DOCK1: variants seen among roughly 807,000 people sequenced by gnomAD.
DOCK1 encodes dedicator of cytokinesis 1, also known as dedicator of cytokinesis protein 1.
In DOCK1, 138 loss-of-function variants were observed where a neutral mutation model predicts 262.7. The ratio of observed to expected loss-of-function variants is 0.53; its 90% CI spans 0.46 to 0.61. DOCK1 has a LOEUF of 0.61. Ranked by LOEUF, DOCK1 falls within the 20% of genes least tolerant of loss-of-function variation. The pLI, the probability that DOCK1 is intolerant of heterozygous loss-of-function variation, is 0.00. For synonymous variants in DOCK1, 866 were observed against 867.4 expected (o/e 1.00, Z 0.03); for missense variants, 1,908 against 2,370.7 (o/e 0.80, Z 4.05).
intron 27 of DOCK1, among the ~76,000 whole-genome samples, chr10:127,219,054 A>G (rs781253753): frequency 6.6e-6 from 1 of 152,300 alleles, no homozygotes; most frequent in East Asian, 1.9e-4. Flanking sequence ...GGCACTGGCA[A>G]TTTTGGAGGG....
rs1426843224 is a variant in DOCK1, at chr10:126,953,151, GTGT to G, written c.47-17548_47-17546del. On this transcript the variant is annotated intron_variant, in intron 1 of 51. Coordinates refer to ENST00000623213, the MANE Select transcript of DOCK1 (RefSeq NM_001290223.2). The stretch of plus-strand genomic sequence containing the variant: ...GGAAGTATTGGTAGTAATTTTCGTA[GTGT>G]TGGTGGTGGTGGTATTGTTATTGGC... Among the ~76,000 whole-genome samples the G allele has an allele frequency of 3.3e-3, 497 of 152,062 alleles. 5 individuals are homozygous for G. Among genetic ancestry groups the G allele is most frequent in the Admixed American group, 5.6e-3 (85 of 15,264 alleles).
chr10:126,949,292 C>G (rs1404459854), intron 1 of DOCK1, among the ~76,000 whole-genome samples: 1 of 152,102 alleles, frequency 6.6e-6, no homozygotes, highest in Non-Finnish European at 1.5e-5. Flanking sequence ...AGGACAGCCC[C>G]TAAGCTGTCT....
At chr10:127,083,469 C>A (rs1481708976) in intron 23 of DOCK1, among the ~76,000 whole-genome samples, 1 of 152,244 alleles carries the variant, frequency 6.6e-6, no homozygotes, top group African/African-American at 2.4e-5. Context: ...TTTGAGAAAC[C>A]CTTCGGCTAT....
At chr10:127,093,242 C>CTTTTTTT (rs200302331) in intron 23 of DOCK1, among the ~76,000 whole-genome samples, 35 of 79,306 alleles carry the variant, frequency 4.4e-4, no homozygotes, top group East Asian at 9.8e-4. Flanking sequence ...TTTCTTTCTT[C>CTTTTTTT]TTTTTTTTTT....
intron 31 of DOCK1, among the ~76,000 whole-genome samples, chr10:127,353,204 C>G (rs976807121): frequency 6.6e-6 from 1 of 152,182 alleles, no homozygotes; most frequent in African/African-American, 2.4e-5. Flanking sequence ...GTTTTGCTTT[C>G]TGTGTGTCCC....
At chr10:127,195,884 G>T (rs2057097067) in intron 27 of DOCK1, 1 of 152,244 alleles carries the variant, frequency 6.6e-6, no homozygotes. Context: ...CCGGTTTGGG[G>T]CCGAGTGTGT....
chr10:127,130,586 C>A (rs1249301552), intron 27 of DOCK1, among the ~76,000 whole-genome samples: 1 of 152,198 alleles, frequency 6.6e-6, no homozygotes, highest in Non-Finnish European at 1.5e-5. Context: ...TCCTCTCAGA[C>A]CATGTGGTCC....
intron 32 of DOCK1, among the ~76,000 whole-genome samples, chr10:127,360,456 T>C (rs1432901103): frequency 6.6e-6 from 1 of 152,222 alleles, no homozygotes; most frequent in African/African-American, 2.4e-5. Context: ...CGCTAGCATC[T>C]TTCTAAGTCA....
chr10:127,324,646 A>T (rs980170216), intron 29 of DOCK1, among the ~76,000 whole-genome samples: 3 of 152,194 alleles, frequency 2.0e-5, no homozygotes, highest in African/African-American at 7.2e-5. Flanking sequence ...TGAGTTGGTC[A>T]TCACTAGACT....
chr10:126,913,618 A>G (rs540580740), intron 1 of DOCK1, among the ~76,000 whole-genome samples: 1 of 152,328 alleles, frequency 6.6e-6, no homozygotes, highest in East Asian at 1.9e-4. Context: ...TTACAAGCTC[A>G]GTTTTGGCCT....
At chr10:127,327,700 A>G (rs191259458) in intron 29 of DOCK1, among the ~76,000 whole-genome samples, 20 of 152,218 alleles carry the variant, frequency 1.3e-4, no homozygotes, top group African/African-American at 4.6e-4. Context: ...TATCTTTACC[A>G]TGCTTTCAAC....
At chr10:127,030,794 ATCTCTG>A (rs369044608) in intron 16 of DOCK1, among the ~76,000 whole-genome samples, 4,230 of 149,246 alleles carry the variant, frequency 0.028, 129 homozygotes, top group East Asian at 0.11. Context: ...ATCTATCTCT[ATCTCTG>A]TCTCTGTCTC....
At chr10:127,069,833 G>A (rs2135912564) in intron 23 of DOCK1, among the ~76,000 whole-genome samples, 1 of 152,320 alleles carries the variant, frequency 6.6e-6, no homozygotes, top group Non-Finnish European at 1.5e-5. Context: ...CAGAGTCGAG[G>A]AGGTGAGTAG....
rs1297630133 is a variant in DOCK1, at chr10:126,949,653, C to T, written c.47-21049C>T. On this transcript the variant is annotated intron_variant, in intron 1 of 51. Coordinates refer to ENST00000623213, the MANE Select transcript of DOCK1 (RefSeq NM_001290223.2). ...ATAACTATAAATTCATGTTAGACAG[C>T]AAAATGTAGGCGTTTGACTGATGCA... Among the ~76,000 whole-genome samples the T allele has an allele frequency of 6.6e-5, 10 of 152,210 alleles. 1 individual carries two copies. Among genetic ancestry groups the T allele is most frequent in the African/African-American group, 2.2e-4 (9 of 41,544 alleles).
intron 1 of DOCK1, among the ~76,000 whole-genome samples, chr10:126,925,329 C>T (rs1363302036): frequency 1.3e-5 from 2 of 152,226 alleles, no homozygotes; most frequent in Admixed American, 1.3e-4. Context: ...TTCATTTTAT[C>T]CATCAGATCT....
chr10:127,191,491 A>G (rs894292878), intron 27 of DOCK1, among the ~76,000 whole-genome samples: 1 of 152,188 alleles, frequency 6.6e-6, no homozygotes, highest in African/African-American at 2.4e-5. Flanking sequence ...TGCTAAAATC[A>G]CTTACTACAA....
chr10:127,444,190 G>A lies in DOCK1; in HGVS notation c.5324G>A (p.Arg1775His), dbSNP rs756712008. Residue 1775 changes from arginine (R) to histidine (H), a missense_variant, in exon 50 of 52, where the codon CGC becomes CAC. By Grantham distance (29) the Arg-to-His change is conservative. This residue lies in a region of DOCK1 where 383 missense variants were observed against 420.1 expected (regional missense o/e 0.91). Coordinates refer to ENST00000623213, the MANE Select transcript of DOCK1 (RefSeq NM_001290223.2). The part of the protein sequence containing the change: ...QVMNVIGSER[R>H]FSVSPSSPSS... ...ATGAACGTCATTGGAAGCGAAAGGC[G>A]CTTCTCGGTGTCCCCCTCGTCACCG... 25 of 1,606,014 alleles carry A rather than the reference G, an allele frequency of 1.6e-5. No individual in the cohort carries two copies. Among genetic ancestry groups the A allele is most frequent in the South Asian group, 2.3e-5 (2 of 88,490 alleles).
chr10:127,196,792 G>C (rs1220697648), intron 27 of DOCK1, among the ~76,000 whole-genome samples: 1 of 151,656 alleles, frequency 6.6e-6, no homozygotes, highest in Non-Finnish European at 1.5e-5. Context: ...GCGGGGCTCC[G>C]CCACAGCGCG....
intron 23 of DOCK1, among the ~76,000 whole-genome samples, chr10:127,097,065 A>G (rs1238417922): frequency 6.6e-6 from 1 of 152,176 alleles, no homozygotes; most frequent in Non-Finnish European, 1.5e-5. Flanking sequence ...AGATTACACC[A>G]TTACACTCCA....
Sources: gnomAD v4.1 joint callset for allele counts (sites outside exome capture counted in the v4.1 genomes callset) on GRCh38, gnomAD v4.1.1 for gene constraint, gnomAD v4.1.1 regional missense constraint, MANE v1.5 for transcripts, NCBI Gene and HGNC (gene_info 2026-07-23, HGNC 2026-07-21) for gene names.